Variants in MFSD6 observed in about 807,000 individuals in gnomAD.
The protein encoded by MFSD6 is major facilitator superfamily domain-containing protein 6.
A neutral mutation model predicts 56.3 loss-of-function variants in MFSD6; 26 were observed. The ratio of observed to expected loss-of-function variants is 0.46; its 90% CI spans 0.34 to 0.64. The LOEUF is 0.64. Ranked by LOEUF, MFSD6 falls within the 30% of genes least tolerant of loss-of-function variation. MFSD6 has a pLI of 0.01. For synonymous variants in MFSD6, 331 were observed against 366.9 expected, an observed-to-expected ratio of 0.90 and a Z score of 1.12; for missense variants, 750 against 986.2, an observed-to-expected ratio of 0.76 and a Z score of 3.21.
At chr2:190,450,488 C>CTTTTTTTTTTTTTTTT (rs10665730) in intron 3 of MFSD6, among the ~76,000 whole-genome samples, 2 of 97,254 alleles carry the variant, frequency 2.1e-5, no homozygotes, top group Non-Finnish European at 3.8e-5. Flanking sequence ...TCTCTTTTTC[C>CTTTTTTTTTTTTTTTT]TTTTTTTTTT....
chr2:190,465,366 G>C lies in MFSD6; in HGVS notation c.1533-4392G>C, dbSNP rs1687548356. 6.6e-6 allele frequency among the ~76,000 whole-genome samples: 1 copy of C among 152,016 alleles called. No individual in the cohort carries two copies. The highest frequency in any genetic ancestry group is 6.6e-5 in the Admixed American group (1 of 15,260). On this transcript the variant is annotated intron_variant, in intron 3 of 7. Transcript: ENST00000392328. This position sits in a 1 kb window ranked among gnomAD's most constrained non-coding sequence, Gnocchi z 4.6. ...TCCTGTTCTGAAATAGGACAGTCAT[G>C]CTGTTTTTGAGTTTTATCATTATAG...
rs1338765191 is a variant in MFSD6, at chr2:190,456,782, A to G, written c.1533-12976A>G. ...CACCCCTCGTCCTGCCTCAGCATCG[A>G]TACCTGCAGTTTCTGTGGCTACCTC... On this transcript the variant is annotated intron_variant, in intron 3 of 7. Transcript: ENST00000392328. The surrounding 1 kb of genome is among the most constrained non-coding windows in gnomAD (Gnocchi z 5.4). Among the ~76,000 whole-genome samples the G allele has an allele frequency of 6.6e-6, 1 of 152,198 alleles. No homozygotes were observed. The highest frequency in any genetic ancestry group is 1.5e-5 in the Non-Finnish European group (1 of 68,032).
intron 3 of MFSD6, chr2:190,464,983 C>T: frequency 1.2e-6 from 1 of 806,724 alleles, no homozygotes; most frequent in Non-Finnish European, 1.5e-6. Context: ...CAACTAACTA[C>T]ACTGTTAGGA....
chr2:190,431,106 A>G lies in MFSD6; in HGVS notation c.-53-4871A>G, dbSNP rs1685978077. On this transcript the variant is annotated intron_variant, in intron 2 of 7. Transcript: ENST00000392328. This position sits in a 1 kb window ranked among gnomAD's most constrained non-coding sequence, Gnocchi z 4.4. ...CAGAGGCGCTCCTCACATCCCAGAC[A>G]GGGCGGCGGGGCAGAGGCGCTCCCC... Among the ~76,000 whole-genome samples the G allele has an allele frequency of 7.5e-6, 1 of 133,808 alleles. No individual in the cohort carries two copies. The highest frequency in any genetic ancestry group is 1.6e-5 in the Non-Finnish European group (1 of 63,200). 87.8% of individuals were successfully genotyped at this position (133,808 alleles called of 152,430 possible).
chr2:190,449,342 C>T (rs369841399), intron 3 of MFSD6, among the ~76,000 whole-genome samples: 28 of 152,092 alleles, frequency 1.8e-4, no homozygotes, highest in African/African-American at 6.0e-4. Flanking sequence ...GGCATGGTGG[C>T]GGGCACTTGT....
rs1477834007 is a variant in MFSD6, at chr2:190,502,068, C to A, written c.*1850C>A. The A allele has an allele frequency of 6.6e-6, 1 of 152,616 alleles. No homozygotes were observed. The highest frequency in any genetic ancestry group is 6.5e-5 in the Admixed American group (1 of 15,288). 9.5% of individuals were successfully genotyped at this position (152,616 alleles called of 1,614,324 possible). ...TGACATGTTGAAATAAAAATGAATA[C>A]CATTTTTAAATGTTTCTTAAATGAT... is the stretch of plus-strand genomic sequence containing the variant. On this transcript the variant is annotated 3_prime_UTR_variant, in exon 8 of 8. Coordinates refer to ENST00000392328, the MANE Select transcript of MFSD6 (RefSeq NM_017694.4). The surrounding 1 kb of genome is among the most constrained non-coding windows in gnomAD (Gnocchi z 4.4).
At chr2:190,428,703 G>C (rs892388439) in intron 2 of MFSD6, among the ~76,000 whole-genome samples, 4 of 151,450 alleles carry the variant, frequency 2.6e-5, no homozygotes, top group Non-Finnish European at 5.9e-5. Flanking sequence ...AGACAGAGTT[G>C]CACTCTTTCA....
chr2:190,476,414 A>G (rs1438165341), intron 4 of MFSD6, among the ~76,000 whole-genome samples: 1 of 152,270 alleles, frequency 6.6e-6, no homozygotes, highest in Non-Finnish European at 1.5e-5. Context: ...GACTCTTCTC[A>G]AAAGAAGACA....
chr2:190,470,074 C>G (rs1453507277), intron 4 of MFSD6, among the ~76,000 whole-genome samples: 1 of 152,042 alleles, frequency 6.6e-6, no homozygotes, highest in Non-Finnish European at 1.5e-5. Flanking sequence ...GGACTTGATC[C>G]ACACCCTTGT....
intron 2 of MFSD6, among the ~76,000 whole-genome samples, chr2:190,432,424 T>C (rs1312150972): frequency 6.6e-6 from 1 of 152,174 alleles, no homozygotes; most frequent in Admixed American, 6.5e-5. Context: ...TTGTTTGTTT[T>C]TGTTTTTTGA....
rs1343206039 is a variant in MFSD6 at position 190,496,533 on chromosome 2, A to G, written c.1892-906A>G. ...ATATGAAAAAGATACTTGTACATGC[A>G]TGTTTATAGCATCACAATTGCAAAA... On this transcript the variant is annotated intron_variant, in intron 6 of 7. Transcript: ENST00000392328. The surrounding 1 kb of genome is among the most constrained non-coding windows in gnomAD (Gnocchi z 4.7). Among the ~76,000 whole-genome samples, 1 of 152,210 alleles carries G rather than the reference A, an allele frequency of 6.6e-6. No homozygotes were observed. The highest frequency in any genetic ancestry group is 2.4e-5 in the African/African-American group (1 of 41,466).
Position 190,491,215 on chromosome 2 carries a change from A to C in MFSD6, c.1891+1349A>C, listed in dbSNP as rs149113308. ...GAATATGGTACTGGGTTAGTTTTTA[A>C]AATACTTGTGTTCTGGAGAGACTGT... On this transcript the variant is annotated intron_variant, in intron 6 of 7. Transcript: ENST00000392328. The surrounding 1 kb of genome is among the most constrained non-coding windows in gnomAD (Gnocchi z 4.2). Among the ~76,000 whole-genome samples, 1 of 152,354 alleles carries C rather than the reference A, an allele frequency of 6.6e-6. No homozygotes were observed. The highest frequency in any genetic ancestry group is 1.9e-4 in the East Asian group (1 of 5,188).
intron 3 of MFSD6, chr2:190,442,950 A>G (rs910298432): frequency 6.6e-6 from 1 of 152,200 alleles, no homozygotes; most frequent in African/African-American, 2.4e-5. Flanking sequence ...TGTCTCCAAG[A>G]TAGTATTTCA....
chr2:190,436,087 T>G lies in MFSD6; in HGVS notation c.58T>G (p.Tyr20Asp), dbSNP rs774317648. ...TGATGAAGAGGAACAGAAGAGAAAGTATGTGCTTGCAGATCCCTTTAATGG... is the reference window on the plus strand; with the variant it reads ...TGATGAAGAGGAACAGAAGAGAAAGGATGTGCTTGCAGATCCCTTTAATGG... ...TDDEEEQKRK[Y>D]VLADPFNGIS... The change falls in exon 3 of 8, where the codon TAT becomes GAT. Residue 20 changes from tyrosine to aspartate, a missense_variant. Physicochemically the swap from Tyr to Asp is radical, Grantham distance 160 (BLOSUM62 -3). Transcript: ENST00000392328. This position sits in a 1 kb window ranked among gnomAD's most constrained non-coding sequence, Gnocchi z 5.3. 2 of 1,614,164 alleles carry G rather than the reference T, an allele frequency of 1.2e-6. No individual in the cohort carries two copies. The highest frequency in any genetic ancestry group is 1.7e-6 in the Non-Finnish European group (2 of 1,180,008).
rs915016814 is a variant in MFSD6, at chr2:190,489,260, G to T, written c.1792+442G>T. ...TACTACATTTATGGTAACAATATCT[G>T]TCTGTCTTGTCATATCTTCCTTATT... On this transcript the variant is annotated intron_variant, in intron 5 of 7. Coordinates refer to ENST00000392328, the MANE Select transcript of MFSD6 (RefSeq NM_017694.4). This position sits in a 1 kb window ranked among gnomAD's most constrained non-coding sequence, Gnocchi z 6.6. 6.6e-6 allele frequency among the ~76,000 whole-genome samples: 1 copy of T among 152,188 alleles called. No homozygotes were observed. Among genetic ancestry groups the T allele is most frequent in the African/African-American group, 2.4e-5 (1 of 41,430 alleles).
intron 4 of MFSD6, among the ~76,000 whole-genome samples, chr2:190,480,980 A>G (rs1293954251): frequency 6.6e-6 from 1 of 152,248 alleles, no homozygotes; most frequent in Non-Finnish European, 1.5e-5. Context: ...CTATGAATTA[A>G]GCTGAAGCCT....
chr2:190,452,403 A>G (rs1686810793), intron 3 of MFSD6, among the ~76,000 whole-genome samples: 1 of 152,244 alleles, frequency 6.6e-6, no homozygotes, highest in Non-Finnish European at 1.5e-5. Context: ...GCATCGTGCT[A>G]AATGCTTTTC....
chr2:190,481,090 G>A (rs1485074178), intron 4 of MFSD6, among the ~76,000 whole-genome samples: 2 of 152,156 alleles, frequency 1.3e-5, no homozygotes, highest in African/African-American at 4.8e-5. Flanking sequence ...TGATAGAAAA[G>A]CAGTTCTCAT....
intron 3 of MFSD6, among the ~76,000 whole-genome samples, chr2:190,453,763 C>T (rs924999562): frequency 3.3e-5 from 5 of 152,146 alleles, no homozygotes; most frequent in African/African-American, 9.7e-5. Flanking sequence ...AAGCACAGAA[C>T]GGAAGAGAAT....
Sources: allele counts gnomAD v4.1 joint callset (sites outside exome capture counted in the v4.1 genomes callset), GRCh38; gene constraint gnomAD v4.1.1; non-coding constraint Gnocchi (gnomAD v3.1); transcripts MANE v1.5; gene names NCBI Gene and HGNC (gene_info 2026-07-23, HGNC 2026-07-21).